Variants in ARHGEF12 observed in about 807,000 individuals in gnomAD.
ARHGEF12 encodes the protein Rho guanine nucleotide exchange factor 12, also known as KMT2A/ARHGEF12 fusion protein.
In ARHGEF12, 66 loss-of-function variants were observed where a neutral mutation model predicts 211.2. The ratio of observed to expected loss-of-function variants is 0.31; its 90% CI spans 0.26 to 0.38. ARHGEF12 has a LOEUF of 0.38. Among genes scored for constraint, ARHGEF12 ranks in the 10% least tolerant of loss-of-function variants. The probability of loss-of-function intolerance (pLI) is 1.00; values close to 1 mark genes in which losing one functional copy is unlikely to be tolerated. For missense variants in ARHGEF12, 1,429 were observed against 1,869.5 expected, an observed-to-expected ratio of 0.76 and a Z score of 4.34; for synonymous variants, 592 against 638.4, an observed-to-expected ratio of 0.93 and a Z score of 1.09.
rs1946100511 is a variant in ARHGEF12 at position 120,448,174 on chromosome 11, T to C, written c.1623-60T>C. 4 of 1,283,112 alleles carry C rather than the reference T, an allele frequency of 3.1e-6. No homozygotes were observed. The South Asian group carries it at 3.9e-5, about 12-fold the overall frequency. 79.5% of individuals were successfully genotyped at this position (1,283,112 alleles called of 1,614,324 possible). On this transcript the variant is annotated intron_variant, in intron 19 of 40. Transcript: ENST00000397843. Reference sequence around the variant, plus strand: ...GGGGTTTTGGAAATCATTTGATGTCTTTATTCTACCAACCCTCCCTTCTCA... The same window carrying C: ...GGGGTTTTGGAAATCATTTGATGTCCTTATTCTACCAACCCTCCCTTCTCA...
At chr11:120,440,737 T>A (rs917673001) in intron 13 of ARHGEF12, among the ~76,000 whole-genome samples, 1 of 152,170 alleles carries the variant, frequency 6.6e-6, no homozygotes, top group Non-Finnish European at 1.5e-5. Flanking sequence ...CACTATGAGG[T>A]TGAATCAGAG....
chr11:120,445,296 A>C, intron 15 of ARHGEF12, 126 bp from the exon 16 acceptor site: 1 of 854,960 alleles, frequency 1.2e-6, no homozygotes. Context: ...TGAATAAATG[A>C]GCTTGTACTT....
At chr11:120,359,625 T>C (rs1943225827) in intron 1 of ARHGEF12, among the ~76,000 whole-genome samples, 1 of 152,218 alleles carries the variant, frequency 6.6e-6, no homozygotes, top group Admixed American at 6.5e-5. Context: ...ACTAAATGTA[T>C]AGGAATGAGT....
intron 28 of ARHGEF12, 63 bp downstream of exon 28, chr11:120,465,425 CTG>C (rs1471796770): frequency 1.3e-6 from 2 of 1,589,512 alleles, no homozygotes; most frequent in Admixed American, 1.7e-5. Flanking sequence ...ATCAGATAAA[CTG>C]GGGGAATTCT....
chr11:120,466,303 TG>T (rs1252513325), intron 28 of ARHGEF12, among the ~76,000 whole-genome samples: 1 of 152,238 alleles, frequency 6.6e-6, no homozygotes, highest in Non-Finnish European at 1.5e-5. Flanking sequence ...TGCTAGCTAT[TG>T]GCTAGGAACC....
chr11:120,341,177 C>A (rs1253445648), intron 1 of ARHGEF12, among the ~76,000 whole-genome samples: 1 of 152,120 alleles, frequency 6.6e-6, no homozygotes, highest in African/African-American at 2.4e-5. Flanking sequence ...CCTGCCTCAG[C>A]CTCCTGAGTA....
In ARHGEF12 at chr11:120,347,169, TTCCTTC is replaced by T. The variant is rs1565417093; in HGVS notation, c.32+9895_32+9900del. Among the ~76,000 whole-genome samples the T allele has an allele frequency of 7.7e-5, 6 of 77,844 alleles. No homozygotes were observed. In the East Asian group the frequency reaches 2.3e-3, roughly 29 times the overall value. The allele number at this position is 77,844 out of a possible 152,430, so 51.1% of individuals were successfully genotyped here. Reference sequence around the variant, plus strand: ...CTTCCTTCCTTCCTTCCTTCCTTCCTTCCTTCCTTCCTTCCTTTCTTTCTTTCTTTC... The same window carrying T: ...CTTCCTTCCTTCCTTCCTTCCTTCCTCTTCCTTCCTTTCTTTCTTTCTTTC... On this transcript the variant is annotated intron_variant, in intron 1 of 40. Coordinates refer to ENST00000397843, the MANE Select transcript of ARHGEF12 (RefSeq NM_015313.3).
At chr11:120,394,548 C>A (rs559442025) in intron 1 of ARHGEF12, among the ~76,000 whole-genome samples, 11 of 147,252 alleles carry the variant, frequency 7.5e-5, no homozygotes, top group African/African-American at 2.0e-4. Flanking sequence ...CCAAAGCAAG[C>A]AGAAGAAAAA....
At chr11:120,483,875 A>C (rs896140156) in intron 39 of ARHGEF12, among the ~76,000 whole-genome samples, 2 of 151,998 alleles carry the variant, frequency 1.3e-5, no homozygotes, top group East Asian at 1.9e-4. Context: ...CGGCCTCCCA[A>C]AGTGTTGGGA....
intron 1 of ARHGEF12, among the ~76,000 whole-genome samples, chr11:120,342,317 A>G (rs1184396616): frequency 2.0e-5 from 3 of 152,222 alleles, no homozygotes; most frequent in African/African-American, 7.2e-5. Flanking sequence ...ACTGAAGCAC[A>G]GTCTGATAGA....
intron 5 of ARHGEF12, among the ~76,000 whole-genome samples, chr11:120,421,232 A>G (rs1182733951): frequency 3.3e-5 from 5 of 152,032 alleles, no homozygotes; most frequent in Non-Finnish European, 7.4e-5. Flanking sequence ...CAGTGATAAT[A>G]TTTTCTACTG....
intron 28 of ARHGEF12, among the ~76,000 whole-genome samples, chr11:120,465,593 A>G (rs1310739490): frequency 2.0e-5 from 3 of 151,730 alleles, no homozygotes; most frequent in Non-Finnish European, 4.4e-5. Flanking sequence ...CAGCCTTCCT[A>G]GTAGTTAGGA....
At chr11:120,415,484 T>A (rs895021452) in intron 4 of ARHGEF12, among the ~76,000 whole-genome samples, 9 of 152,186 alleles carry the variant, frequency 5.9e-5, no homozygotes, top group Non-Finnish European at 1.3e-4. Flanking sequence ...TTTTTGTGTG[T>A]GTATGTCAAA....
intron 36 of ARHGEF12, 135 bp downstream of exon 36, chr11:120,477,661 T>C: frequency 1.4e-6 from 1 of 724,112 alleles, no homozygotes; most frequent in Non-Finnish European, 2.2e-6. Context: ...GGCCAGGAGT[T>C]AGAGGCCAAC....
chr11:120,393,118 G>A (rs1465775215), intron 1 of ARHGEF12, among the ~76,000 whole-genome samples: 1 of 152,176 alleles, frequency 6.6e-6, no homozygotes, highest in Non-Finnish European at 1.5e-5. Context: ...TGAATTGTCA[G>A]GCGTATGCTC....
rs550762866 is a variant in ARHGEF12, at chr11:120,352,071, A to T, written c.32+14796A>T. ...CCAGAAAATAGATTTTGTCTTCAAC[A>T]ATACCATTAAAGAGTTGCCTTCACA... is the stretch of plus-strand genomic sequence containing the variant. On this transcript the variant is annotated intron_variant, in intron 1 of 40. Transcript: ENST00000397843. Among the ~76,000 whole-genome samples, 5 of 152,290 alleles carry T rather than the reference A, an allele frequency of 3.3e-5. No individual in the cohort carries two copies. In the East Asian group the frequency reaches 9.6e-4, roughly 29 times the overall value.
intron 27 of ARHGEF12, 94 bp downstream of exon 27, chr11:120,460,851 A>C: frequency 2.8e-6 from 3 of 1,072,146 alleles, no homozygotes; most frequent in Non-Finnish European, 4.2e-6. Context: ...ATGCAAACTC[A>C]TCCATGTTGC....
chr11:120,424,279 G>A, intron 6 of ARHGEF12, 79 bp from the exon 7 acceptor site: 2 of 939,078 alleles, frequency 2.1e-6, no homozygotes, highest in Non-Finnish European at 3.4e-6. Context: ...GTTATATTAT[G>A]TATGATAATT....
chr11:120,337,943 A>G (rs1032053092), intron 1 of ARHGEF12: 4 of 976,142 alleles, frequency 4.1e-6, no homozygotes, highest in Non-Finnish European at 4.9e-6. Context: ...CGTTTAAGAG[A>G]TATAAGCCGT....
Sources: gnomAD v4.1 joint callset for allele counts (sites outside exome capture counted in the v4.1 genomes callset) on GRCh38, gnomAD v4.1.1 for gene constraint, MANE v1.5 for transcripts, NCBI Gene and HGNC (gene_info 2026-07-23, HGNC 2026-07-21) for gene names.